ANXA8: variants seen among roughly 807,000 people sequenced by gnomAD.
The protein encoded by ANXA8 is VAC-beta.
A neutral mutation model predicts 26.8 loss-of-function variants in ANXA8; 9 were observed. The ratio of observed to expected loss-of-function variants is 0.34; its 90% CI spans 0.20 to 0.59. The LOEUF is 0.59. ANXA8 is among the 20% of genes least tolerant of loss of function. ANXA8 has a pLI of 0.84. For synonymous variants in ANXA8, 39 were observed against 94.8 expected (o/e 0.41, Z 3.42); for missense variants, 83 against 238.5 (o/e 0.35, Z 4.29).
chr10:47,576,251 G>GTA, the ANXA8 span, among the ~76,000 whole-genome samples: 10 of 117,922 alleles, frequency 8.5e-5, 1 homozygote, highest in African/African-American at 2.8e-4. Context: ...AGTCTTTGAA[G>GTA]TATATATATT....
At chr10:47,942,445 G>A in the ANXA8 span, among the ~76,000 whole-genome samples, 2 of 142,102 alleles carry the variant, frequency 1.4e-5, 1 homozygote, top group African/African-American at 5.7e-5. Context: ...AGACAGCTGT[G>A]TTCTGAAGGG....
chr10:47,468,898 G>A lies in ANXA8; in HGVS notation c.933C>T (p.Thr311=), dbSNP rs1839199724. ...KTLSSMIMED[T]SGDYKNALLS... ...GCAGGGCGTTCTTGTAGTCACCGCT[G>A]GTGTCTTCCTGTGGGCAGGAGGCGC... The change falls in exon 12 of 12, where the codon ACC becomes ACT. Residue 311 remains threonine (T), a synonymous_variant. Transcript: ENST00000585281. 1.9e-6 allele frequency: 3 copies of A among 1,611,434 alleles called. No homozygotes were observed. Among genetic ancestry groups the A allele is most frequent in the Non-Finnish European group, 2.5e-6 (3 of 1,179,760 alleles).
the ANXA8 span, among the ~76,000 whole-genome samples, chr10:47,693,578 C>A: frequency 6.6e-6 from 1 of 151,972 alleles, no homozygotes; most frequent in East Asian, 1.9e-4. Flanking sequence ...GCGTGAGCCA[C>A]CGCGCCCGGC....
the ANXA8 span, among the ~76,000 whole-genome samples, chr10:47,595,334 T>C: frequency 6.9e-6 from 1 of 145,504 alleles, no homozygotes. Flanking sequence ...CCACAGACTC[T>C]ATAAAGCAAC....
At chr10:47,947,888 G>A in the ANXA8 span, among the ~76,000 whole-genome samples, 4 of 150,864 alleles carry the variant, frequency 2.7e-5, no homozygotes, top group African/African-American at 9.8e-5. Flanking sequence ...ACTCCAGGAG[G>A]CTGGGCAAAG....
At chr10:47,659,286 GTTCTTCT>G in the ANXA8 span, among the ~76,000 whole-genome samples, 3 of 151,844 alleles carry the variant, frequency 2.0e-5, no homozygotes, top group Non-Finnish European at 4.4e-5. Context: ...TTTCAAGTAC[GTTCTTCT>G]TTCTCATTCC....
At chr10:47,683,535 G>A in the ANXA8 span, among the ~76,000 whole-genome samples, 2 of 151,974 alleles carry the variant, frequency 1.3e-5, no homozygotes, top group East Asian at 1.9e-4. Flanking sequence ...TACACAGTAC[G>A]TGGGTTATTA....
At chr10:47,945,066 A>T in the ANXA8 span, among the ~76,000 whole-genome samples, 1 of 149,816 alleles carries the variant, frequency 6.7e-6, no homozygotes, top group Non-Finnish European at 1.5e-5. Flanking sequence ...GAGAGCTTCT[A>T]TGTCACTCCC....
At chr10:47,969,871 G>A in the ANXA8 span, among the ~76,000 whole-genome samples, 2 of 151,294 alleles carry the variant, frequency 1.3e-5, no homozygotes, top group Admixed American at 6.6e-5. Context: ...GGGAGCCACA[G>A]TGCTAGGCCT....
chr10:47,704,992 G>A, the ANXA8 span, among the ~76,000 whole-genome samples: 8 of 152,222 alleles, frequency 5.3e-5, no homozygotes, highest in Admixed American at 1.3e-4. Context: ...TTTCAAGGGC[G>A]CAGTGGCTCA....
At chr10:47,735,272 T>C in the ANXA8 span, among the ~76,000 whole-genome samples, 1 of 142,296 alleles carries the variant, frequency 7.0e-6, no homozygotes, top group African/African-American at 2.6e-5. Context: ...ATTTTTTATT[T>C]TTTGTAGAGA....
At chr10:47,982,317 C>T in the ANXA8 span, among the ~76,000 whole-genome samples, 4 of 151,082 alleles carry the variant, frequency 2.6e-5, no homozygotes, top group African/African-American at 4.8e-5. Context: ...AAACAACCCC[C>T]CCAAACCCCA....
chr10:47,778,702 G>A, the ANXA8 span, among the ~76,000 whole-genome samples: 1 of 151,892 alleles, frequency 6.6e-6, no homozygotes, highest in Admixed American at 6.6e-5. Flanking sequence ...TTGAAATGTT[G>A]TTAGAAAATC....
At chr10:47,556,528 C>G in the ANXA8 span, among the ~76,000 whole-genome samples, 2 of 151,826 alleles carry the variant, frequency 1.3e-5, no homozygotes, top group Non-Finnish European at 2.9e-5. Flanking sequence ...AAAAAATTAA[C>G]AAGATCCCCC....
chr10:47,497,506 C>A, the ANXA8 span, among the ~76,000 whole-genome samples: 8 of 147,850 alleles, frequency 5.4e-5, no homozygotes, highest in African/African-American at 2.0e-4. Context: ...GTAATCCCAG[C>A]TACTCAGGAG....
At chr10:47,699,969 T>C in the ANXA8 span, among the ~76,000 whole-genome samples, 1 of 151,880 alleles carries the variant, frequency 6.6e-6, no homozygotes, top group Non-Finnish European at 1.5e-5. Context: ...ATGCAAAGCC[T>C]ATATGAGGAA....
chr10:47,675,881 A>AGATGGG, the ANXA8 span, among the ~76,000 whole-genome samples: 4 of 151,800 alleles, frequency 2.6e-5, no homozygotes, highest in Non-Finnish European at 5.9e-5. Context: ...ATGCTTGAAA[A>AGATGGG]GATGGGGATT....
chr10:47,494,971 AGAG>A, the ANXA8 span, among the ~76,000 whole-genome samples: 2 of 151,980 alleles, frequency 1.3e-5, no homozygotes, highest in Non-Finnish European at 2.9e-5. Context: ...CTGTGGCTGT[AGAG>A]GAGGATCATC....
the ANXA8 span, chr10:47,991,729 C>A: frequency 6.2e-7 from 1 of 1,603,756 alleles, no homozygotes; most frequent in Non-Finnish European, 8.5e-7. Flanking sequence ...ACCTTTCTCA[C>A]GGAGATGAAG....
Sources: allele counts gnomAD v4.1 joint callset (sites outside exome capture counted in the v4.1 genomes callset), GRCh38; gene constraint gnomAD v4.1.1; transcripts MANE v1.5; gene names NCBI Gene and HGNC (gene_info 2026-07-23, HGNC 2026-07-21).